Variants in WWOX observed in about 807,000 individuals in gnomAD.
The protein encoded by WWOX is WW domain-containing oxidoreductase.
A neutral mutation model predicts 46.2 loss-of-function variants in WWOX; 69 were observed. The observed-to-expected ratio is 1.49, with a 90% CI of 1.23 to 1.82. The LOEUF (loss-of-function observed/expected upper bound fraction) is 1.82, where lower values mean the gene tolerates loss of function less well. WWOX is among the 40% of genes most tolerant of loss of function. The pLI, the probability that WWOX is intolerant of heterozygous loss-of-function variation, is 0.00. For synonymous variants in WWOX, 359 were observed against 202.6 expected, an observed-to-expected ratio of 1.77 and a Z score of -6.56; for missense variants, 919 against 542.6, an observed-to-expected ratio of 1.69 and a Z score of -6.89.
chr16:78,371,837 C>A (rs75592493), intron 5 of WWOX, among the ~76,000 whole-genome samples: 8,078 of 152,072 alleles, frequency 0.053, 276 homozygotes, highest in East Asian at 0.12. Context: ...ATATTTCTCT[C>A]TTTTAATCAT....
rs1174034764 is a variant in WWOX, at chr16:78,347,840, A to G, written c.517-39020A>G. On this transcript the variant is annotated intron_variant, in intron 5 of 8. Transcript: ENST00000566780. ...TCTACTTAAAGCTTTTCTGGAAGGA[A>G]TTCATTTTCCACTTTCCTTAATGTT... Among the ~76,000 whole-genome samples, 10 of 121,612 alleles carry G rather than the reference A, an allele frequency of 8.2e-5. 1 individual carries two copies. The East Asian group carries it at 9.7e-4, about 12-fold the overall frequency. The allele number at this position is 121,612 out of a possible 152,430, so 79.8% of individuals were successfully genotyped here.
At chr16:78,265,524 C>G (rs759787667) in intron 5 of WWOX, among the ~76,000 whole-genome samples, 1 of 151,756 alleles carries the variant, frequency 6.6e-6, no homozygotes, top group Non-Finnish European at 1.5e-5. Flanking sequence ...ACTAAAAATA[C>G]AAAATTAGCC....
intron 8 of WWOX, among the ~76,000 whole-genome samples, chr16:78,763,045 C>T (rs533197328): frequency 1.8e-4 from 27 of 152,272 alleles, no homozygotes; most frequent in African/African-American, 6.5e-4. Flanking sequence ...CTGGGACTTA[C>T]ACTAGAACAT....
At chr16:78,737,981 C>T (rs1035663649) in intron 8 of WWOX, among the ~76,000 whole-genome samples, 1 of 152,132 alleles carries the variant, frequency 6.6e-6, no homozygotes, top group Non-Finnish European at 1.5e-5. Flanking sequence ...AACATGAGTC[C>T]ATGTGTTTTA....
At chr16:78,157,322 G>A (rs1300399690) in intron 4 of WWOX, among the ~76,000 whole-genome samples, 1 of 152,156 alleles carries the variant, frequency 6.6e-6, no homozygotes, top group Non-Finnish European at 1.5e-5. Flanking sequence ...CCTGCCCCCA[G>A]CCAGCTGGGC....
intron 6 of WWOX, among the ~76,000 whole-genome samples, chr16:78,398,600 A>G (rs896781781): frequency 1.3e-5 from 2 of 152,142 alleles, no homozygotes; most frequent in Non-Finnish European, 1.5e-5. Flanking sequence ...TACTTCGGGG[A>G]TGCTTTTTTC....
At chr16:78,808,067 A>T (rs1324981071) in intron 8 of WWOX, among the ~76,000 whole-genome samples, 1 of 152,180 alleles carries the variant, frequency 6.6e-6, no homozygotes, top group African/African-American at 2.4e-5. Flanking sequence ...GCTCAAAGGC[A>T]TCCCCTTCCC....
In WWOX at chr16:78,585,106, A is replaced by G. The variant is rs192558378; in HGVS notation, c.1056+152354A>G. 1.5e-3 allele frequency among the ~76,000 whole-genome samples: 222 copies of G among 152,322 alleles called. 1 individual carries two copies. Among genetic ancestry groups the G allele is most frequent in the African/African-American group, 4.9e-3 (204 of 41,568 alleles). ...ACTCAAAACCTGAACCTAAAAAGAA[A>G]TTCTTTAGCCATGTCCGTGTGAACT... On this transcript the variant is annotated intron_variant, in intron 8 of 8. Transcript: ENST00000566780.
At chr16:78,517,919 T>G (rs2043273186) in intron 8 of WWOX, among the ~76,000 whole-genome samples, 1 of 140,534 alleles carries the variant, frequency 7.1e-6, no homozygotes, top group African/African-American at 2.6e-5. Context: ...CCAGGACACC[T>G]CATCCTTTAG....
chr16:78,348,728 G>A (rs1250383199), intron 5 of WWOX, among the ~76,000 whole-genome samples: 1 of 121,314 alleles, frequency 8.2e-6, no homozygotes, highest in African/African-American at 2.8e-5. Flanking sequence ...AAAGTGCTAG[G>A]ATTACAGGTG....
intron 8 of WWOX, among the ~76,000 whole-genome samples, chr16:78,840,016 C>T (rs1005283563): frequency 1.3e-5 from 2 of 152,150 alleles, no homozygotes; most frequent in African/African-American, 2.4e-5. Context: ...ACAGTTTCTT[C>T]GTCTTTGAGT....
At chr16:78,286,815 G>A (rs1300760921) in intron 5 of WWOX, among the ~76,000 whole-genome samples, 1 of 152,068 alleles carries the variant, frequency 6.6e-6, no homozygotes, top group African/African-American at 2.4e-5. Context: ...AGTTAAAGCT[G>A]TCTCTACTCT....
intron 8 of WWOX, among the ~76,000 whole-genome samples, chr16:79,168,696 C>T (rs966569125): frequency 6.6e-6 from 1 of 152,034 alleles, no homozygotes. Context: ...TTTTGTGAAG[C>T]CCCTCAGGGA....
intron 6 of WWOX, 125 bp from the exon 7 acceptor site, chr16:78,424,745 G>T: frequency 9.2e-7 from 1 of 1,092,574 alleles, no homozygotes; most frequent in Non-Finnish European, 1.4e-6. Context: ...TCTCATTCCC[G>T]AAGGAGCATG....
chr16:78,713,098 T>C (rs1477786753), intron 8 of WWOX, among the ~76,000 whole-genome samples: 1 of 151,362 alleles, frequency 6.6e-6, no homozygotes, highest in African/African-American at 2.4e-5. Context: ...AGGGAGACCC[T>C]CATCTCTACA....
chr16:78,599,172 G>T (rs1379895663), intron 8 of WWOX, among the ~76,000 whole-genome samples: 1 of 152,138 alleles, frequency 6.6e-6, no homozygotes, highest in African/African-American at 2.4e-5. Flanking sequence ...TCCAGTCCCG[G>T]GATCAAGACA....
intron 8 of WWOX, among the ~76,000 whole-genome samples, chr16:78,571,003 A>G (rs545784636): frequency 1.2e-4 from 18 of 152,290 alleles, no homozygotes; most frequent in Middle Eastern, 3.4e-3. Context: ...TGAAGAGACT[A>G]TGTTGCCCAG....
intron 8 of WWOX, among the ~76,000 whole-genome samples, chr16:78,943,691 G>C (rs2045896418): frequency 6.6e-6 from 1 of 152,174 alleles, no homozygotes; most frequent in Non-Finnish European, 1.5e-5. Context: ...AAGTAGCAGG[G>C]TGTGCGATTG....
At chr16:78,584,034 C>T (rs4578663) in intron 8 of WWOX, among the ~76,000 whole-genome samples, 2 of 152,154 alleles carry the variant, frequency 1.3e-5, no homozygotes, top group South Asian at 2.1e-4. Context: ...TGGCCCAGAT[C>T]AACCTGTCCC....
Sources: allele counts gnomAD v4.1 joint callset (sites outside exome capture counted in the v4.1 genomes callset), GRCh38; gene constraint gnomAD v4.1.1; transcripts MANE v1.5; gene names NCBI Gene and HGNC (gene_info 2026-07-23, HGNC 2026-07-21).